Variants in EML6 observed in about 807,000 individuals in gnomAD.
EML6 encodes the protein EMAP like 6.
EML6 carries 154 observed loss-of-function variants against 240.1 expected under a neutral mutation model. The ratio of observed to expected loss-of-function variants is 0.64; its 90% CI spans 0.56 to 0.73. The LOEUF (loss-of-function observed/expected upper bound fraction) is 0.73. Ranked by LOEUF, EML6 falls within the 30% of genes least tolerant of loss-of-function variation. The pLI is 0.00. For missense variants in EML6, 2,964 were observed against 2,474.6 expected (o/e 1.20, Z -4.20); for synonymous variants, 1,148 against 899.0 (o/e 1.28, Z -4.95).
intron 28 of EML6, among the ~76,000 whole-genome samples, chr2:54,944,833 G>A (rs1006267782): frequency 7.2e-5 from 11 of 152,138 alleles, no homozygotes; most frequent in African/African-American, 2.2e-4. Flanking sequence ...TAGGAATACT[G>A]TTAACAGAGT....
At chr2:54,791,619 C>T (rs1669457377) in intron 2 of EML6, among the ~76,000 whole-genome samples, 1 of 152,114 alleles carries the variant, frequency 6.6e-6, no homozygotes, top group South Asian at 2.1e-4. Context: ...TAAACAAAGC[C>T]ACACCGGTAT....
rs150966740 is a variant in EML6 at position 54,922,526 on chromosome 2, A to G, written c.3675+5591A>G. Among the ~76,000 whole-genome samples, 216 of 152,354 alleles carry G rather than the reference A, an allele frequency of 1.4e-3. 4 individuals are homozygous for G. The highest frequency in any genetic ancestry group is 0.014 in the East Asian group (73 of 5,188). On this transcript the variant is annotated intron_variant, in intron 26 of 41. Transcript: ENST00000356458. The stretch of plus-strand genomic sequence containing the variant: ...ATTAAAAACTAATATATGATTCAGT[A>G]ATCCCACTTCTGGGTATATATCCAA...
At chr2:54,904,257 C>T (rs1209799184) in intron 24 of EML6, among the ~76,000 whole-genome samples, 3 of 152,098 alleles carry the variant, frequency 2.0e-5, no homozygotes, top group African/African-American at 4.8e-5. Flanking sequence ...GAATGGGCCA[C>T]GGCAGCATTC....
At chr2:54,868,936 A>G (rs964086739) in intron 14 of EML6, 7 of 439,008 alleles carry the variant, frequency 1.6e-5, no homozygotes, top group Admixed American at 1.1e-4. Flanking sequence ...GAAAAAGCGC[A>G]CACAACAGCT....
Position 54,971,885 on chromosome 2 carries a change from T to G in EML6, c.*1790T>G, listed in dbSNP as rs1015916399. 3.3e-5 allele frequency: 5 copies of G among 152,252 alleles called. No homozygotes were observed. Among genetic ancestry groups the G allele is most frequent in the Non-Finnish European group, 5.9e-5 (4 of 68,040 alleles). 9.4% of individuals were successfully genotyped at this position (152,252 alleles called of 1,614,324 possible). On this transcript the variant is annotated 3_prime_UTR_variant, in exon 42 of 42. Coordinates refer to ENST00000356458, the MANE Select transcript of EML6 (RefSeq NM_001039753.4). ...TTTGTAAACGTTTATATGGTATGAT[T>G]TTGATTTTATGTATGTTCATAAATC...
intron 2 of EML6, among the ~76,000 whole-genome samples, chr2:54,766,671 T>A (rs7600540): frequency 0.37 from 55,531 of 151,898 alleles, 11,886 homozygotes; most frequent in African/African-American, 0.59. Flanking sequence ...ACAGTTTGAG[T>A]CTGTGTAAAT....
intron 2 of EML6, among the ~76,000 whole-genome samples, chr2:54,763,256 A>C (rs1441332388): frequency 2.0e-5 from 3 of 152,238 alleles, no homozygotes; most frequent in African/African-American, 7.2e-5. Context: ...ATGAATAGTC[A>C]AAGTTCTATG....
intron 40 of EML6, 75 bp from the exon 41 acceptor site, chr2:54,968,593 G>GT: frequency 1.2e-6 from 1 of 858,558 alleles, no homozygotes. Context: ...CAGGGGATTT[G>GT]AGTGCTGGAA....
In EML6 at chr2:54,724,980, C is replaced by CT. The variant is rs1030858692; in HGVS notation, c.-81dup. 6 of 1,224,652 alleles carry CT rather than the reference C, an allele frequency of 4.9e-6. No homozygotes were observed. The African/African-American group carries it at 8.1e-5, about 16-fold the overall frequency. 75.9% of individuals were successfully genotyped at this position (1,224,652 alleles called of 1,614,324 possible). On this transcript the variant is annotated 5_prime_UTR_variant, in exon 2 of 42. Coordinates refer to ENST00000356458, the MANE Select transcript of EML6 (RefSeq NM_001039753.4). The surrounding 1 kb of genome is among the most constrained non-coding windows in gnomAD (Gnocchi z 5.2). Reference sequence around the variant, plus strand: ...GCGCCCTGCGCCGCGCGCTGAGCCCCTGCAGGTCCGCCGCAGCCCCAGCCT... The same window carrying CT: ...GCGCCCTGCGCCGCGCGCTGAGCCCCTTGCAGGTCCGCCGCAGCCCCAGCCT...
chr2:54,953,989 C>A lies in EML6; in HGVS notation c.4319C>A (p.Thr1440Lys). Residue 1440 changes from threonine (T) to lysine (K), a missense_variant, in exon 32 of 42, where the codon ACA becomes AAA. By Grantham distance (78) the Thr-to-Lys change is moderately conservative. Coordinates refer to ENST00000356458, the MANE Select transcript of EML6 (RefSeq NM_001039753.4). ...CATGCCTCTCCACACTCAGGGACAA[C>A]ACCTTCCATCCACATATGGGACGCC... ...NVVATSQIGT[T>K]PSIHIWDAMT... is the part of the protein sequence containing the mutation. 2 of 1,550,432 alleles carry A rather than the reference C, an allele frequency of 1.3e-6. No homozygotes were observed. Among genetic ancestry groups the A allele is most frequent in the Non-Finnish European group, 1.7e-6 (2 of 1,146,138 alleles).
chr2:54,807,566 C>T (rs1430427694), intron 2 of EML6, among the ~76,000 whole-genome samples: 2 of 152,106 alleles, frequency 1.3e-5, no homozygotes, highest in African/African-American at 4.8e-5. Flanking sequence ...TTCAAGCCAC[C>T]AATGTGACAT....
At chr2:54,799,302 C>G (rs914976114) in intron 2 of EML6, among the ~76,000 whole-genome samples, 1 of 151,948 alleles carries the variant, frequency 6.6e-6, no homozygotes, top group African/African-American at 2.4e-5. Flanking sequence ...CTCAGGTGAT[C>G]TGCCTGCCCC....
At chr2:54,923,312 T>C (rs1313647485) in intron 26 of EML6, among the ~76,000 whole-genome samples, 1 of 151,534 alleles carries the variant, frequency 6.6e-6, no homozygotes, top group Non-Finnish European at 1.5e-5. Context: ...TATTTAATTA[T>C]ACTGTATTAC....
At chr2:54,892,969 A>G (rs755764121) in intron 19 of EML6, among the ~76,000 whole-genome samples, 1 of 152,176 alleles carries the variant, frequency 6.6e-6, no homozygotes, top group Non-Finnish European at 1.5e-5. Flanking sequence ...AGTCCTGAGA[A>G]ATACTTCAGC....
intron 7 of EML6, among the ~76,000 whole-genome samples, chr2:54,834,461 A>T (rs1449399199): frequency 6.6e-6 from 1 of 152,242 alleles, no homozygotes; most frequent in African/African-American, 2.4e-5. Context: ...GGAATACAGT[A>T]ATTATTCACA....
chr2:54,805,944 A>G (rs1202245013), intron 2 of EML6, among the ~76,000 whole-genome samples: 1 of 152,194 alleles, frequency 6.6e-6, no homozygotes, highest in Non-Finnish European at 1.5e-5. Context: ...CTTTTGCTGG[A>G]AATGAGTTGA....
At chr2:54,941,815 G>C (rs1249165921) in intron 28 of EML6, among the ~76,000 whole-genome samples, 1 of 152,258 alleles carries the variant, frequency 6.6e-6, no homozygotes, top group Non-Finnish European at 1.5e-5. Context: ...TTCTCTCGAA[G>C]CTGCGTTCTT....
intron 2 of EML6, among the ~76,000 whole-genome samples, chr2:54,745,502 T>C (rs964063791): frequency 3.3e-5 from 5 of 152,014 alleles, no homozygotes; most frequent in African/African-American, 1.2e-4. Flanking sequence ...ACAGGCCAAG[T>C]CTGGTGGTCA....
chr2:54,889,002 C>G (rs1252910020), intron 17 of EML6, among the ~76,000 whole-genome samples: 1 of 152,310 alleles, frequency 6.6e-6, no homozygotes, highest in Non-Finnish European at 1.5e-5. Context: ...GTTCTTAGCA[C>G]TCCACAGACT....
Sources: allele counts gnomAD v4.1 joint callset (sites outside exome capture counted in the v4.1 genomes callset), GRCh38; gene constraint gnomAD v4.1.1; non-coding constraint Gnocchi (gnomAD v3.1); transcripts MANE v1.5; gene names NCBI Gene and HGNC (gene_info 2026-07-23, HGNC 2026-07-21).